RIMS2: variants seen among roughly 807,000 people sequenced by gnomAD.
The protein encoded by RIMS2 is regulating synaptic membrane exocytosis 2, also known as regulating synaptic membrane exocytosis protein 2.
A neutral mutation model predicts 174.4 loss-of-function variants in RIMS2; 59 were observed. That is an observed-to-expected ratio of 0.34 (90% CI 0.27 to 0.42). The LOEUF (loss-of-function observed/expected upper bound fraction) is 0.42, where lower values mean the gene tolerates loss of function less well. Among genes scored for constraint, RIMS2 ranks in the 10% least tolerant of loss-of-function variants. RIMS2 has a pLI of 1.00. For synonymous variants in RIMS2, 606 were observed against 572.5 expected (o/e 1.06, Z -0.84); for missense variants, 1,620 against 1,666.3 (o/e 0.97, Z 0.48).
At chr8:103,663,354 T>A (rs2096627458) in intron 1 of RIMS2, among the ~76,000 whole-genome samples, 1 of 152,100 alleles carries the variant, frequency 6.6e-6, no homozygotes, top group African/African-American at 2.4e-5. Context: ...TTGTCTCTGT[T>A]TGCGGATGAC....
At chr8:103,798,357 G>C (rs1400021191) in intron 3 of RIMS2, among the ~76,000 whole-genome samples, 1 of 152,088 alleles carries the variant, frequency 6.6e-6, no homozygotes, top group Admixed American at 6.6e-5. Flanking sequence ...AAGTTTTGTA[G>C]ATTTGTTAAA....
chr8:104,078,399 G>A (rs1449674350), intron 19 of RIMS2, among the ~76,000 whole-genome samples: 1 of 152,120 alleles, frequency 6.6e-6, no homozygotes, highest in Non-Finnish European at 1.5e-5. Context: ...TGGCTAGGCT[G>A]GCTCCTTCTG....
At chr8:103,633,335 C>T (rs998201098) in intron 1 of RIMS2, among the ~76,000 whole-genome samples, 3 of 152,034 alleles carry the variant, frequency 2.0e-5, no homozygotes. Context: ...GTGTGAGCCA[C>T]CATGCCCATC....
intron 19 of RIMS2, among the ~76,000 whole-genome samples, chr8:104,236,415 C>T (rs1021175454): frequency 6.6e-6 from 1 of 151,982 alleles, no homozygotes; most frequent in African/African-American, 2.4e-5. Context: ...AATTATTACA[C>T]TGGGACTGGG....
At chr8:104,043,661 T>G (rs1361984832) in intron 19 of RIMS2, among the ~76,000 whole-genome samples, 1 of 151,610 alleles carries the variant, frequency 6.6e-6, no homozygotes, top group Admixed American at 6.6e-5. Context: ...AGAAGCAAAC[T>G]GAGCAGGTTA....
At chr8:103,657,838 A>G (rs2096549796) in intron 1 of RIMS2, among the ~76,000 whole-genome samples, 1 of 152,172 alleles carries the variant, frequency 6.6e-6, no homozygotes, top group Non-Finnish European at 1.5e-5. Context: ...AGCCCTGATT[A>G]CTTGGTTTAG....
chr8:103,832,026 T>C (rs1433953585), intron 3 of RIMS2, among the ~76,000 whole-genome samples: 13 of 152,186 alleles, frequency 8.5e-5, no homozygotes, highest in Non-Finnish European at 1.9e-4. Flanking sequence ...TCTTTTCCTT[T>C]TTTTGTCTCA....
At chr8:103,761,298 TAC>T (rs1313743549) in intron 2 of RIMS2, among the ~76,000 whole-genome samples, 1 of 152,238 alleles carries the variant, frequency 6.6e-6, no homozygotes, top group Non-Finnish European at 1.5e-5. Context: ...GTGCTAGTAA[TAC>T]ACATTGAATA....
chr8:103,612,719 C>A (rs2095411994), intron 1 of RIMS2, among the ~76,000 whole-genome samples: 1 of 152,156 alleles, frequency 6.6e-6, no homozygotes, highest in South Asian at 2.1e-4. Flanking sequence ...GCTGGGATTA[C>A]AGGTGCGTGC....
chr8:104,049,172 C>T (rs1306393703), intron 19 of RIMS2, among the ~76,000 whole-genome samples: 4 of 150,170 alleles, frequency 2.7e-5, no homozygotes, highest in African/African-American at 9.8e-5. Context: ...CCTGTATTCC[C>T]AACACTTTGG....
rs556472768 is a variant in RIMS2 at position 103,768,653 on chromosome 8, C to G, written c.698+2116C>G. 1.9e-5 allele frequency: 16 copies of G among 846,904 alleles called. No individual in the cohort carries two copies. The East Asian group carries it at 3.6e-4, about 19-fold the overall frequency. 52.5% of individuals were successfully genotyped at this position (846,904 alleles called of 1,614,324 possible). A position where few individuals can be genotyped will look rare whatever the true frequency, so the allele number is the denominator to read the frequency against. ...GGAGATAAAAATATTCCAGGATTGA[C>G]TGATACTACGATGCCTCATCACCTG... On this transcript the variant is annotated intron_variant, in intron 3 of 23. Coordinates refer to ENST00000504942, the Ensembl canonical transcript of RIMS2.
chr8:104,021,251 C>A (rs537204802), intron 19 of RIMS2, among the ~76,000 whole-genome samples: 2 of 151,996 alleles, frequency 1.3e-5, no homozygotes, highest in Non-Finnish European at 2.9e-5. Flanking sequence ...ATTAATTATT[C>A]TTTAATGCAC....
downstream of RIMS2, chr8:104,252,527 C>CAA (rs34435746): frequency 4.9e-3 from 636 of 130,388 alleles, no homozygotes; most frequent in South Asian, 0.017. Flanking sequence ...CTGCAACTTG[C>CAA]AAAAAAAAAA....
At chr8:104,149,097 G>A (rs2133998462) in intron 19 of RIMS2, among the ~76,000 whole-genome samples, 1 of 152,310 alleles carries the variant, frequency 6.6e-6, no homozygotes, top group Middle Eastern at 3.4e-3. Flanking sequence ...TCCTCAGGGA[G>A]GAGTTACGCT....
At chr8:103,571,353 C>G (rs745424121) in intron 1 of RIMS2, among the ~76,000 whole-genome samples, 10 of 152,120 alleles carry the variant, frequency 6.6e-5, no homozygotes, top group Non-Finnish European at 1.3e-4. Flanking sequence ...TTCCCTTTTT[C>G]CCACCTTAAC....
At chr8:103,832,904 C>G (rs767275517) in intron 3 of RIMS2, among the ~76,000 whole-genome samples, 1 of 152,242 alleles carries the variant, frequency 6.6e-6, no homozygotes, top group South Asian at 2.1e-4. Context: ...TTAAACAAAT[C>G]AAGAGAAATG....
In RIMS2 at chr8:103,819,490, GA is replaced by G. The variant is rs551531709; in HGVS notation, c.698+52962del. ...GTGGTAGGGAAAAATAAGAGAAGGG[GA>G]AAAAAAAAGAAAGAAAATGCAATTT... On this transcript the variant is annotated intron_variant, in intron 3 of 23. Transcript: ENST00000504942. 228 of 1,597,156 alleles carry G rather than the reference GA, an allele frequency of 1.4e-4. 1 individual carries two copies. The African/African-American group carries it at 1.4e-3, about 10-fold the overall frequency.
intron 19 of RIMS2, among the ~76,000 whole-genome samples, chr8:104,042,288 G>C (rs2154557761): frequency 6.6e-6 from 1 of 151,684 alleles, no homozygotes; most frequent in Admixed American, 6.6e-5. Flanking sequence ...AGTATGGCCA[G>C]TAGCTTCACA....
At chr8:103,677,848 A>G (rs968733075) in intron 1 of RIMS2, among the ~76,000 whole-genome samples, 1 of 152,166 alleles carries the variant, frequency 6.6e-6, no homozygotes, top group Non-Finnish European at 1.5e-5. Flanking sequence ...AATACAGAAG[A>G]GATGTACAGA....
Sources: allele counts gnomAD v4.1 joint callset (sites outside exome capture counted in the v4.1 genomes callset), GRCh38; gene constraint gnomAD v4.1.1; transcripts MANE v1.5; gene names NCBI Gene and HGNC (gene_info 2026-07-23, HGNC 2026-07-21).